DAB1: variants seen among roughly 807,000 people sequenced by gnomAD.
DAB1 encodes the protein DAB adaptor protein 1.
In DAB1, 15 loss-of-function variants were observed where a neutral mutation model predicts 64.6. The ratio of observed to expected loss-of-function variants is 0.23; its 90% CI spans 0.16 to 0.36. DAB1 has a LOEUF of 0.36. DAB1 is among the 10% of genes least tolerant of loss of function. The pLI, the probability that DAB1 is intolerant of heterozygous loss-of-function variation, is 1.00. For missense variants in DAB1, 596 were observed against 706.7 expected (o/e 0.84, Z 1.78); for synonymous variants, 235 against 251.9 (o/e 0.93, Z 0.64).
At chr1:57,532,242 C>A (rs1365856105) in intron 7 of DAB1, among the ~76,000 whole-genome samples, 1 of 89,084 alleles carries the variant, frequency 1.1e-5, no homozygotes, top group Non-Finnish European at 2.6e-5. Context: ...ATGGTGTGGG[C>A]GTGGAGATTC....
intron 5 of DAB1, among the ~76,000 whole-genome samples, chr1:58,121,687 TTC>T (rs1652745907): frequency 6.6e-6 from 1 of 152,194 alleles, no homozygotes; most frequent in African/African-American, 2.4e-5. Context: ...ATTGTTAACT[TTC>T]TGTTCTCTGT....
chr1:57,117,578 A>G (rs1656252223), intron 4 of DAB1, among the ~76,000 whole-genome samples: 1 of 152,196 alleles, frequency 6.6e-6, no homozygotes, highest in East Asian at 1.9e-4. Context: ...AGGCATTTCT[A>G]ACATTCATAG....
chr1:58,439,859 C>T (rs1259182061), intron 3 of DAB1, among the ~76,000 whole-genome samples: 1 of 152,178 alleles, frequency 6.6e-6, no homozygotes, highest in Non-Finnish European at 1.5e-5. Flanking sequence ...TCTGTATTTT[C>T]AGCCTCATTA....
At chr1:57,166,341 C>T (rs1442248467) in intron 2 of DAB1, among the ~76,000 whole-genome samples, 1 of 151,590 alleles carries the variant, frequency 6.6e-6, no homozygotes, top group African/African-American at 2.4e-5. Context: ...AATTGAAAAA[C>T]AAAAAAGAAG....
intron 9 of DAB1, among the ~76,000 whole-genome samples, chr1:57,054,549 C>T (rs772184171): frequency 2.1e-5 from 3 of 145,102 alleles, no homozygotes; most frequent in African/African-American, 5.1e-5. Flanking sequence ...GCAATTTCCG[C>T]TCGCTGCAAG....
chr1:57,560,921 C>T (rs533623636), intron 7 of DAB1, among the ~76,000 whole-genome samples: 124 of 152,202 alleles, frequency 8.1e-4, no homozygotes, highest in African/African-American at 2.3e-3. Context: ...CGTTTGACTA[C>T]GGGACATCAA....
chr1:57,213,510 C>T (rs1666189800), intron 2 of DAB1, among the ~76,000 whole-genome samples: 2 of 152,124 alleles, frequency 1.3e-5, no homozygotes, highest in Admixed American at 1.3e-4. Flanking sequence ...ATCCAAAAAA[C>T]ACTTTCCCTA....
chr1:57,932,186 G>A (rs929957517), intron 5 of DAB1, among the ~76,000 whole-genome samples: 15 of 152,084 alleles, frequency 9.9e-5, no homozygotes, highest in African/African-American at 3.1e-4. Flanking sequence ...TCTGTGTTCT[G>A]AGAGCAGATA....
At chr1:58,515,138 T>C (rs1356959091) in intron 2 of DAB1, among the ~76,000 whole-genome samples, 1 of 152,192 alleles carries the variant, frequency 6.6e-6, no homozygotes, top group Non-Finnish European at 1.5e-5. Flanking sequence ...TTCTTAAAGC[T>C]CATTTTATTT....
chr1:57,358,093 A>G (rs1055760355), intron 1 of DAB1, among the ~76,000 whole-genome samples: 6 of 152,030 alleles, frequency 3.9e-5, no homozygotes, highest in African/African-American at 1.4e-4. Flanking sequence ...GTCATTTGCA[A>G]AGAGGGACAA....
chr1:57,098,376 T>A (rs1654363554), intron 4 of DAB1, among the ~76,000 whole-genome samples: 1 of 152,206 alleles, frequency 6.6e-6, no homozygotes, highest in Non-Finnish European at 1.5e-5. Context: ...GTTAATATTC[T>A]TGTCCAAGGT....
At chr1:57,409,335 A>G (rs761348647) in intron 1 of DAB1, among the ~76,000 whole-genome samples, 2 of 152,144 alleles carry the variant, frequency 1.3e-5, no homozygotes, top group Non-Finnish European at 2.9e-5. Flanking sequence ...CTTCCTATTA[A>G]GCTGGTATGG....
chr1:58,407,656 T>C (rs59709503), intron 3 of DAB1, among the ~76,000 whole-genome samples: 3,981 of 152,158 alleles, frequency 0.026, 157 homozygotes, highest in African/African-American at 0.091. Context: ...GTTGAGAAAC[T>C]GCTACACTCC....
intron 5 of DAB1, among the ~76,000 whole-genome samples, chr1:57,952,135 C>T (rs553389540): frequency 6.6e-6 from 1 of 151,826 alleles, no homozygotes; most frequent in African/African-American, 2.4e-5. Flanking sequence ...TTCTTTGCCT[C>T]CAGGAACGAC....
intron 6 of DAB1, among the ~76,000 whole-genome samples, chr1:57,803,831 G>A (rs1050958407): frequency 6.6e-6 from 1 of 152,178 alleles, no homozygotes; most frequent in African/African-American, 2.4e-5. Context: ...CCATATGCCG[G>A]AGACTTCCTT....
intron 1 of DAB1, among the ~76,000 whole-genome samples, chr1:57,366,999 G>A (rs114524090): frequency 0.083 from 12,374 of 149,196 alleles, 582 homozygotes; most frequent in Middle Eastern, 0.12. Context: ...TTTAGCCCAG[G>A]AGTTCGAGAC....
intron 4 of DAB1, among the ~76,000 whole-genome samples, chr1:57,104,656 C>A (rs1361733171): frequency 6.6e-6 from 1 of 152,138 alleles, no homozygotes; most frequent in African/African-American, 2.4e-5. Context: ...AGTGTACTCA[C>A]AAGACGGGGC....
intron 5 of DAB1, among the ~76,000 whole-genome samples, chr1:57,950,273 T>C (rs1386957918): frequency 6.6e-6 from 1 of 152,130 alleles, no homozygotes; most frequent in African/African-American, 2.4e-5. Flanking sequence ...GTTAAGAGGA[T>C]GAAGTAAGTT....
intron 4 of DAB1, among the ~76,000 whole-genome samples, chr1:58,296,211 A>AAG: frequency 1.4e-5 from 2 of 138,260 alleles, no homozygotes; most frequent in Non-Finnish European, 3.1e-5. Context: ...GAAAGAAAGA[A>AAG]AGAAAGAAAG....
Sources: allele counts gnomAD v4.1 joint callset (sites outside exome capture counted in the v4.1 genomes callset), GRCh38; gene constraint gnomAD v4.1.1; transcripts MANE v1.5; gene names NCBI Gene and HGNC (gene_info 2026-07-23, HGNC 2026-07-21).